Variants in AKAP6 observed in about 807,000 individuals in gnomAD.
AKAP6 encodes A-kinase anchor protein 6.
In AKAP6, 58 loss-of-function variants were observed where a neutral mutation model predicts 188.5. The ratio of observed to expected loss-of-function variants is 0.31; its 90% confidence interval spans 0.25 to 0.38. The LOEUF (loss-of-function observed/expected upper bound fraction) is 0.38. AKAP6 is among the 10% of genes least tolerant of loss of function. The pLI, the probability that AKAP6 is intolerant of heterozygous loss-of-function variation, is 1.00. For missense variants in AKAP6, 2,710 were observed against 2,740.0 expected, an observed-to-expected ratio of 0.99 and a Z score of 0.24; for synonymous variants, 989 against 998.6, an observed-to-expected ratio of 0.99 and a Z score of 0.18.
intron 2 of AKAP6, among the ~76,000 whole-genome samples, chr14:32,462,557 A>G (rs1022049203): frequency 1.3e-5 from 2 of 152,234 alleles, no homozygotes; most frequent in Admixed American, 6.5e-5. Context: ...GGCCTGCCTT[A>G]TAAGAGCTCC....
chr14:32,633,638 TAGG>T (rs1157295096), intron 7 of AKAP6, among the ~76,000 whole-genome samples: 1 of 152,076 alleles, frequency 6.6e-6, no homozygotes, highest in Admixed American at 6.6e-5. Flanking sequence ...CATATCCAAA[TAGG>T]AGCTGCATCC....
intron 1 of AKAP6, among the ~76,000 whole-genome samples, chr14:32,386,937 G>T (rs1888553654): frequency 6.6e-6 from 1 of 152,036 alleles, no homozygotes; most frequent in African/African-American, 2.4e-5. Context: ...TTTATTTATG[G>T]ATTCTCTATT....
chr14:32,835,840 T>C lies in AKAP6; in HGVS notation c.*6035T>C, dbSNP rs2034869897. The C allele has an allele frequency of 2.6e-5, 4 of 152,254 alleles. No homozygotes were observed. Among genetic ancestry groups the C allele is most frequent in the Admixed American group, 2.6e-4 (4 of 15,278 alleles). The allele number at this position is 152,254 out of a possible 1,614,324, so 9.4% of individuals were successfully genotyped here. ...TTCAAGGAAACCGTATAGCCACTTC[T>C]TTTTTAAAAGCAGCCACATACCTTC... On this transcript the variant is annotated 3_prime_UTR_variant, in exon 14 of 14. Transcript: ENST00000280979.
chr14:32,369,184 A>T (rs978050929), intron 1 of AKAP6, among the ~76,000 whole-genome samples: 1 of 152,196 alleles, frequency 6.6e-6, no homozygotes, highest in Non-Finnish European at 1.5e-5. Context: ...GATAGCCAGG[A>T]CTGCTACCAA....
At chr14:32,778,648 G>T (rs2140009477) in intron 12 of AKAP6, among the ~76,000 whole-genome samples, 1 of 152,094 alleles carries the variant, frequency 6.6e-6, no homozygotes, top group Non-Finnish European at 1.5e-5. Flanking sequence ...CTGGGTGCAA[G>T]CAGGTCTCCT....
intron 1 of AKAP6, among the ~76,000 whole-genome samples, chr14:32,346,252 C>T (rs1039020967): frequency 1.3e-5 from 2 of 152,056 alleles, no homozygotes; most frequent in Admixed American, 1.3e-4. Flanking sequence ...CTACTTAGGG[C>T]CCTGTTTTCA....
chr14:32,367,022 A>G (rs887725107), intron 1 of AKAP6, among the ~76,000 whole-genome samples: 1 of 152,156 alleles, frequency 6.6e-6, no homozygotes, highest in African/African-American at 2.4e-5. Context: ...ACATGAGGGC[A>G]TTATAAAACT....
chr14:32,456,820 A>C (rs898404223), intron 2 of AKAP6, among the ~76,000 whole-genome samples: 5 of 152,236 alleles, frequency 3.3e-5, no homozygotes, highest in African/African-American at 1.2e-4. Context: ...ATTTTTAATC[A>C]AAGGAAGATA....
intron 2 of AKAP6, among the ~76,000 whole-genome samples, chr14:32,503,454 T>C (rs1880704768): frequency 6.6e-6 from 1 of 152,088 alleles, no homozygotes. Flanking sequence ...TTTATCTTTC[T>C]TTTAATGGCC....
At chr14:32,633,386 T>A (rs1364448355) in intron 7 of AKAP6, among the ~76,000 whole-genome samples, 3 of 152,102 alleles carry the variant, frequency 2.0e-5, no homozygotes, top group Non-Finnish European at 4.4e-5. Flanking sequence ...AAGCACAGGG[T>A]TACTCTGGTA....
chr14:32,418,694 T>C (rs183095863), intron 1 of AKAP6, among the ~76,000 whole-genome samples: 23 of 152,322 alleles, frequency 1.5e-4, no homozygotes, highest in Middle Eastern at 3.4e-3. Context: ...AAGGACCTAC[T>C]GGATTCTTTT....
intron 9 of AKAP6, among the ~76,000 whole-genome samples, chr14:32,721,739 G>A (rs1331013744): frequency 6.6e-6 from 1 of 152,160 alleles, no homozygotes; most frequent in Non-Finnish European, 1.5e-5. Flanking sequence ...TCTAGCGAGT[G>A]ACAGCTTCTT....
At position 32,365,624 on chromosome 14, in the gene AKAP6, G is replaced by A. The variant is rs189489105; in HGVS notation, c.-35+36216G>A. The stretch of plus-strand genomic sequence containing the variant: ...TAATCTCCCATGGGTGCCACTCCTG[G>A]GCCACTTGTACCGAAGTCGACTGTC... On this transcript the variant is annotated intron_variant, in intron 1 of 13. Coordinates refer to ENST00000280979, the MANE Select transcript of AKAP6 (RefSeq NM_004274.5). 1.6e-3 allele frequency among the ~76,000 whole-genome samples: 245 copies of A among 152,200 alleles called. 1 individual carries two copies. Among genetic ancestry groups the A allele is most frequent in the Admixed American group, 3.3e-3 (50 of 15,308 alleles).
chr14:32,791,014 A>G (rs993545677), intron 12 of AKAP6, among the ~76,000 whole-genome samples: 2 of 152,126 alleles, frequency 1.3e-5, no homozygotes, highest in African/African-American at 4.8e-5. Context: ...TATCCAGTCT[A>G]TCATTGGTGG....
intron 1 of AKAP6, 33 bp downstream of exon 1, chr14:32,329,441 G>A (rs1239293829): frequency 1.3e-5 from 2 of 152,122 alleles, no homozygotes; most frequent in South Asian, 2.1e-4. Context: ...TTAATTGCAC[G>A]GCTGTTTTGT....
At chr14:32,738,908 A>G (rs1213320596) in intron 11 of AKAP6, among the ~76,000 whole-genome samples, 1 of 152,118 alleles carries the variant, frequency 6.6e-6, no homozygotes, top group Non-Finnish European at 1.5e-5. Context: ...CAATAAAACT[A>G]ATTTACAAAA....
chr14:32,498,356 A>C (rs1566540199), intron 2 of AKAP6, among the ~76,000 whole-genome samples: 1 of 152,004 alleles, frequency 6.6e-6, no homozygotes, highest in South Asian at 2.1e-4. Flanking sequence ...TTTTCCAGTC[A>C]TTCATATGAA....
At chr14:32,777,106 G>A (rs767555094) in intron 12 of AKAP6, among the ~76,000 whole-genome samples, 18 of 152,026 alleles carry the variant, frequency 1.2e-4, no homozygotes, top group Non-Finnish European at 1.8e-4. Context: ...CTTAGTAATG[G>A]GGCAAACTTA....
chr14:32,551,571 CAAAAAAAAAAA>C (rs1184190008), intron 4 of AKAP6, among the ~76,000 whole-genome samples: 2 of 50,976 alleles, frequency 3.9e-5, no homozygotes, highest in Non-Finnish European at 4.1e-5. Context: ...GACTTGGTCT[CAAAAAAAAAAA>C]AAAAAAAAGG....
Sources: gnomAD v4.1 joint callset for allele counts (sites outside exome capture counted in the v4.1 genomes callset) on GRCh38, gnomAD v4.1.1 for gene constraint, MANE v1.5 for transcripts, NCBI Gene and HGNC (gene_info 2026-07-23, HGNC 2026-07-21) for gene names.